CNTNAP2: variants seen among roughly 807,000 people sequenced by gnomAD.
CNTNAP2 encodes the protein contactin-associated protein-like 2.
A neutral mutation model predicts 155.2 loss-of-function variants in CNTNAP2; 98 were observed. The ratio of observed to expected loss-of-function variants is 0.63; its 90% CI spans 0.54 to 0.75. The LOEUF (loss-of-function observed/expected upper bound fraction) is 0.75. CNTNAP2 is among the 30% of genes least tolerant of loss of function. The pLI is 0.00. For missense variants in CNTNAP2, 1,727 were observed against 1,688.1 expected (o/e 1.02, Z -0.40); for synonymous variants, 651 against 631.2 (o/e 1.03, Z -0.47).
chr7:146,823,730 G>C (rs989093376), intron 2 of CNTNAP2, among the ~76,000 whole-genome samples: 1 of 151,560 alleles, frequency 6.6e-6, no homozygotes, highest in Non-Finnish European at 1.5e-5. Context: ...TTAAATAGTT[G>C]AGTCAGTATT....
At chr7:147,542,376 C>T (rs537056732) in intron 11 of CNTNAP2, among the ~76,000 whole-genome samples, 1 of 151,974 alleles carries the variant, frequency 6.6e-6, no homozygotes, top group Non-Finnish European at 1.5e-5. Flanking sequence ...GTGACATCAC[C>T]TGGGCAGGCA....
At chr7:148,023,494 G>A (rs532578880) in intron 15 of CNTNAP2, among the ~76,000 whole-genome samples, 2 of 152,270 alleles carry the variant, frequency 1.3e-5, no homozygotes, top group Admixed American at 6.5e-5. Flanking sequence ...TCTGGTTGGA[G>A]GATGTTTGCC....
intron 13 of CNTNAP2, among the ~76,000 whole-genome samples, chr7:147,750,273 T>G (rs1455413544): frequency 6.6e-6 from 1 of 152,208 alleles, no homozygotes; most frequent in Non-Finnish European, 1.5e-5. Flanking sequence ...GAAAAAATGT[T>G]GATGTGAACA....
At chr7:147,680,216 G>A (rs1479531767) in intron 13 of CNTNAP2, among the ~76,000 whole-genome samples, 2 of 151,912 alleles carry the variant, frequency 1.3e-5, no homozygotes, top group African/African-American at 4.8e-5. Context: ...GTGAGGTATA[G>A]AGAGAAAACT....
chr7:146,853,398 C>G (rs1035309924), intron 3 of CNTNAP2, among the ~76,000 whole-genome samples: 4 of 152,118 alleles, frequency 2.6e-5, no homozygotes, highest in Non-Finnish European at 4.4e-5. Flanking sequence ...CATGTACACA[C>G]ACACTCTCTC....
At chr7:148,161,154 T>A (rs1383937887) in intron 17 of CNTNAP2, among the ~76,000 whole-genome samples, 1 of 152,216 alleles carries the variant, frequency 6.6e-6, no homozygotes, top group African/African-American at 2.4e-5. Flanking sequence ...CATTGTCCTG[T>A]GTCTCCAATA....
intron 18 of CNTNAP2, among the ~76,000 whole-genome samples, chr7:148,216,524 T>C (rs911284576): frequency 9.2e-5 from 14 of 152,208 alleles, no homozygotes; most frequent in Non-Finnish European, 2.9e-5. Context: ...AAATTCAGTC[T>C]CAAAGAGGAT....
At chr7:147,498,904 G>C (rs140209035) in intron 11 of CNTNAP2, among the ~76,000 whole-genome samples, 1 of 152,154 alleles carries the variant, frequency 6.6e-6, no homozygotes, top group Non-Finnish European at 1.5e-5. Flanking sequence ...CAAGGAATGG[G>C]CTCACATTGA....
At chr7:147,574,584 AT>A in intron 12 of CNTNAP2, among the ~76,000 whole-genome samples, 1 of 151,754 alleles carries the variant, frequency 6.6e-6, no homozygotes, top group East Asian at 2.0e-4. Context: ...TGTCAGCATT[AT>A]TTTTTTCATT....
chr7:146,693,095 T>G (rs1039951381), intron 1 of CNTNAP2, among the ~76,000 whole-genome samples: 1 of 152,106 alleles, frequency 6.6e-6, no homozygotes, highest in African/African-American at 2.4e-5. Flanking sequence ...AAATTCAGGC[T>G]TGTTAGCTAT....
At chr7:147,902,371 G>A (rs1219598419) in intron 13 of CNTNAP2, among the ~76,000 whole-genome samples, 1 of 151,584 alleles carries the variant, frequency 6.6e-6, no homozygotes, top group East Asian at 1.9e-4. Context: ...GCTTAAAAGA[G>A]CCTTTTGAAG....
intron 21 of CNTNAP2, among the ~76,000 whole-genome samples, chr7:148,297,187 A>AGGAAGGAAGGAAGGAG (rs1554413960): frequency 1.7e-4 from 26 of 150,538 alleles, no homozygotes; most frequent in African/African-American, 5.9e-4. Flanking sequence ...GAAGGAAGGA[A>AGGAAGGAAGGAAGGAG]GGAAGGAAGG....
chr7:146,182,662 T>G (rs1798565112), intron 1 of CNTNAP2, among the ~76,000 whole-genome samples: 1 of 152,196 alleles, frequency 6.6e-6, no homozygotes, highest in African/African-American at 2.4e-5. Context: ...CACAGCAGAT[T>G]AATCCTTTTC....
intron 15 of CNTNAP2, among the ~76,000 whole-genome samples, chr7:148,023,967 C>T (rs1342463377): frequency 1.3e-5 from 2 of 152,046 alleles, no homozygotes; most frequent in African/African-American, 2.4e-5. Flanking sequence ...CTTCATGTTA[C>T]AGAACTGAAA....
intron 9 of CNTNAP2, among the ~76,000 whole-genome samples, chr7:147,339,091 T>C (rs826804): frequency 0.79 from 119,737 of 152,112 alleles, 47,725 homozygotes; most frequent in African/African-American, 0.92. Context: ...ATGTCTACTT[T>C]GACAAATTTT....
intron 1 of CNTNAP2, among the ~76,000 whole-genome samples, chr7:146,586,412 C>T (rs1244541600): frequency 6.6e-6 from 1 of 152,118 alleles, no homozygotes; most frequent in Non-Finnish European, 1.5e-5. Flanking sequence ...CTACTGAAAA[C>T]TTCTAAAGGT....
intron 13 of CNTNAP2, among the ~76,000 whole-genome samples, chr7:147,640,114 T>TTACCTTAATTGACAAAATTG (rs1795248930): frequency 6.6e-6 from 1 of 152,124 alleles, no homozygotes; most frequent in Non-Finnish European, 1.5e-5. Context: ...TTTTAAAATT[T>TTACCTTAATTGACAAAATTG]TACCTTAATT....
At chr7:146,246,117 A>G (rs564559867) in intron 1 of CNTNAP2, among the ~76,000 whole-genome samples, 36 of 151,662 alleles carry the variant, frequency 2.4e-4, no homozygotes, top group Middle Eastern at 3.4e-3. Flanking sequence ...AAAGCATGCT[A>G]TGGGATGTGA....
At chr7:147,860,287 C>T (rs1228737947) in intron 13 of CNTNAP2, among the ~76,000 whole-genome samples, 2 of 151,900 alleles carry the variant, frequency 1.3e-5, no homozygotes, top group Non-Finnish European at 2.9e-5. Flanking sequence ...TAGCTGGGCA[C>T]GGTGGTCTGC....
Sources: allele counts gnomAD v4.1 joint callset (sites outside exome capture counted in the v4.1 genomes callset), GRCh38; gene constraint gnomAD v4.1.1; transcripts MANE v1.5; gene names NCBI Gene and HGNC (gene_info 2026-07-23, HGNC 2026-07-21).